Variants in RNF38 observed in about 807,000 individuals in gnomAD.
The protein encoded by RNF38 is E3 ubiquitin-protein ligase RNF38.
Under a neutral mutation model 67.2 loss-of-function variants are expected in RNF38, and 15 were observed. The observed-to-expected ratio is 0.22, with a 90% CI of 0.15 to 0.34. The LOEUF is 0.34. RNF38 is among the 10% of genes least tolerant of loss of function. RNF38 has a pLI of 1.00. For missense variants in RNF38, 524 were observed against 639.9 expected (o/e 0.82, Z 1.95); for synonymous variants, 220 against 218.8 (o/e 1.01, Z -0.05).
intron 1 of RNF38, among the ~76,000 whole-genome samples, chr9:36,437,055 GA>G (rs912406255): frequency 1.4e-4 from 22 of 152,214 alleles, no homozygotes; most frequent in African/African-American, 5.3e-4. Context: ...AGGCAAATAG[GA>G]TATGATGAGT....
At chr9:36,453,296 C>T (rs1839504079) in intron 1 of RNF38, among the ~76,000 whole-genome samples, 1 of 152,086 alleles carries the variant, frequency 6.6e-6, no homozygotes, top group East Asian at 1.9e-4. Flanking sequence ...TCACTGCAGC[C>T]TCAAAGTCCC....
At chr9:36,402,935 C>G (rs573097935), upstream of RNF38, among the ~76,000 whole-genome samples, 1 of 152,250 alleles carries the variant, frequency 6.6e-6, no homozygotes, top group South Asian at 2.1e-4. Context: ...TCACTGCAGT[C>G]TCAAACTCCT....
chr9:36,419,458 A>T (rs73441070), intron 2 of RNF38, among the ~76,000 whole-genome samples: 2 of 152,200 alleles, frequency 1.3e-5, no homozygotes, highest in Admixed American at 1.3e-4. Context: ...TCAAATGGCC[A>T]TCCTCCTGGC....
At chr9:36,417,434 G>C (rs145405961) in intron 2 of RNF38, among the ~76,000 whole-genome samples, 2 of 152,186 alleles carry the variant, frequency 1.3e-5, no homozygotes, top group African/African-American at 4.8e-5. Context: ...TCTAACAGTA[G>C]GTTAACTTTT....
Position 36,487,478 on chromosome 9 carries a change from G to A in RNF38, n.71C>T, listed in dbSNP as rs1464953478. The A allele has an allele frequency of 1.6e-5, 16 of 980,884 alleles. No individual in the cohort carries two copies. In the East Asian group the frequency reaches 1.3e-3, roughly 77 times the overall value. 60.8% of individuals were successfully genotyped at this position (980,884 alleles called of 1,614,324 possible). A position where few individuals can be genotyped will look rare whatever the true frequency, so the allele number is the denominator to read the frequency against. ...CTCGGCGGGGCCCGGCCTGGGAGACGACGACTGAGGCTGAAAGTGCGCGGC... is the reference window on the plus strand; with the variant it reads ...CTCGGCGGGGCCCGGCCTGGGAGACAACGACTGAGGCTGAAAGTGCGCGGC... On this transcript the variant is annotated non_coding_transcript_exon_variant, in exon 1 of 4. Transcript: ENST00000488058.
intron 9 of RNF38, among the ~76,000 whole-genome samples, chr9:36,346,697 T>G (rs956210102): frequency 5.9e-5 from 9 of 152,202 alleles, no homozygotes; most frequent in African/African-American, 2.2e-4. Flanking sequence ...GTTAATGTAA[T>G]AACTGTGTGT....
intron 8 of RNF38, among the ~76,000 whole-genome samples, chr9:36,352,285 T>A (rs1382957512): frequency 6.6e-6 from 1 of 151,000 alleles, no homozygotes; most frequent in Non-Finnish European, 1.5e-5. Context: ...AGCACAGACT[T>A]AAGAGCGAGA....
intron 3 of RNF38, 140 bp downstream of exon 3, chr9:36,375,790 ACTTT>A (rs1430348310): frequency 7.3e-6 from 5 of 686,052 alleles, no homozygotes; most frequent in Non-Finnish European, 1.2e-5. Flanking sequence ...AATCTAGGCA[ACTTT>A]CTTTTTCGTG....
intron 4 of RNF38, 114 bp downstream of exon 4, chr9:36,369,605 A>G: frequency 1.3e-6 from 1 of 773,820 alleles, no homozygotes; most frequent in Non-Finnish European, 2.1e-6. Flanking sequence ...AACTTAAATA[A>G]CTTCATTTTA....
chr9:36,417,182 A>C (rs1838497838), intron 2 of RNF38, among the ~76,000 whole-genome samples: 1 of 152,186 alleles, frequency 6.6e-6, no homozygotes, highest in African/African-American at 2.4e-5. Flanking sequence ...GTTCAGAGGC[A>C]GACTTTCCCC....
At chr9:36,387,583 C>T (rs1836743480) in intron 2 of RNF38, among the ~76,000 whole-genome samples, 1 of 152,166 alleles carries the variant, frequency 6.6e-6, no homozygotes, top group African/African-American at 2.4e-5. Context: ...GGTGACTCCA[C>T]ATCTGTATGC....
upstream of RNF38, chr9:36,400,747 G>C: frequency 1.0e-6 from 1 of 985,580 alleles, no homozygotes; most frequent in Non-Finnish European, 1.2e-6. Flanking sequence ...CCATCACACG[G>C]GCCGCGCCAG....
At chr9:36,413,124 G>C (rs1420513743) in intron 2 of RNF38, among the ~76,000 whole-genome samples, 2 of 151,812 alleles carry the variant, frequency 1.3e-5, no homozygotes, top group African/African-American at 2.4e-5. Flanking sequence ...AGCTACTAGG[G>C]AGGCAGAGGC....
At chr9:36,378,798 TAA>T (rs956321871) in intron 2 of RNF38, among the ~76,000 whole-genome samples, 1 of 152,128 alleles carries the variant, frequency 6.6e-6, no homozygotes, top group East Asian at 1.9e-4. Flanking sequence ...CTGCGAAAAG[TAA>T]AGTTACCATC....
chr9:36,373,911 G>A (rs990081311), intron 3 of RNF38, among the ~76,000 whole-genome samples: 4 of 151,938 alleles, frequency 2.6e-5, no homozygotes, highest in Non-Finnish European at 4.4e-5. Flanking sequence ...GGCTGGTCTC[G>A]AACTCCTGAT....
chr9:36,381,154 T>C (rs757752386), intron 2 of RNF38, among the ~76,000 whole-genome samples: 1 of 152,238 alleles, frequency 6.6e-6, no homozygotes, highest in Non-Finnish European at 1.5e-5. Context: ...CCATGCTGTC[T>C]GTGAACCTCT....
At chr9:36,462,293 T>C (rs901650840) in intron 1 of RNF38, among the ~76,000 whole-genome samples, 2 of 152,162 alleles carry the variant, frequency 1.3e-5, no homozygotes, top group African/African-American at 4.8e-5. Flanking sequence ...ACTTCCCAAC[T>C]ATCACCAAGA....
At chr9:36,475,627 G>C (rs1488594602) in intron 1 of RNF38, among the ~76,000 whole-genome samples, 2 of 151,634 alleles carry the variant, frequency 1.3e-5, no homozygotes, top group African/African-American at 4.8e-5. Flanking sequence ...CAAAGTGCCG[G>C]GATTACAGGC....
chr9:36,380,768 A>G (rs1049404845), intron 2 of RNF38, among the ~76,000 whole-genome samples: 1 of 152,360 alleles, frequency 6.6e-6, no homozygotes, highest in Admixed American at 6.5e-5. Context: ...TGCTGGGATT[A>G]CAGGTGTTGA....
Sources: gnomAD v4.1 joint callset for allele counts (sites outside exome capture counted in the v4.1 genomes callset) on GRCh38, gnomAD v4.1.1 for gene constraint, MANE v1.5 for transcripts, NCBI Gene and HGNC (gene_info 2026-07-23, HGNC 2026-07-21) for gene names.